COL18A1: variants seen among roughly 807,000 people sequenced by gnomAD.
COL18A1 encodes collagen type XVIII alpha 1 chain.
In COL18A1, 133 loss-of-function variants were observed where a neutral mutation model predicts 168.0. The observed-to-expected ratio is 0.79, with a 90% CI of 0.69 to 0.91. The LOEUF is 0.91. Ranked by LOEUF, COL18A1 falls within the 40% of genes least tolerant of loss-of-function variation. The pLI is 0.00. For missense variants in COL18A1, 2,126 were observed against 1,925.4 expected (o/e 1.10, Z -1.95); for synonymous variants, 949 against 809.0 (o/e 1.17, Z -2.94).
At chr21:45,415,338 A>G (rs1000147406) in intron 2 of COL18A1, among the ~76,000 whole-genome samples, 1 of 152,128 alleles carries the variant, frequency 6.6e-6, no homozygotes, top group Non-Finnish European at 1.5e-5. Flanking sequence ...AGACTTAAAG[A>G]TGAGTCCTCG....
intron 2 of COL18A1, among the ~76,000 whole-genome samples, chr21:45,465,269 G>A (rs1464949400): frequency 6.6e-6 from 1 of 152,194 alleles, no homozygotes; most frequent in Non-Finnish European, 1.5e-5. Flanking sequence ...GCCTGGCGTG[G>A]GTTTTGGGTC....
chr21:45,509,276 C>A, intron 38 of COL18A1, 80 bp from the exon 39 acceptor site: 1 of 1,521,084 alleles, frequency 6.6e-7, no homozygotes, highest in South Asian at 1.2e-5. Context: ...CCCTCTCACC[C>A]AGCCCAGAGG....
At position 45,512,214 on chromosome 21, in the gene COL18A1, C is replaced by T. The variant is rs750175097; in HGVS notation, c.3836C>T (p.Ser1279Leu). 2.5e-6 allele frequency: 4 copies of T among 1,612,400 alleles called. No homozygotes were observed. The highest frequency in any genetic ancestry group is 8.5e-7 in the Non-Finnish European group (1 of 1,179,704). ...TWPQKSVWHG[S>L]DPNGRRLTES... is the part of the protein sequence containing the mutation. ...CCCCAGAAGAGCGTGTGGCATGGCT[C>T]GGACCCCAACGGGCGCAGGCTGACC... The change falls in exon 42 of 42, where the codon TCG becomes TTG. Residue 1279 changes from serine to leucine, a missense_variant. Transcript: ENST00000651438.
rs529077106 is a variant in COL18A1 at position 45,481,887 on chromosome 21, C to A, written c.1612-76C>A. The A allele has an allele frequency of 2.9e-6, 3 of 1,049,156 alleles. No homozygotes were observed. The South Asian group carries it at 3.9e-5, about 14-fold the overall frequency. 65.0% of individuals were successfully genotyped at this position (1,049,156 alleles called of 1,614,324 possible). A position where few individuals can be genotyped will look rare whatever the true frequency, so the allele number is the denominator to read the frequency against. On this transcript the variant is annotated intron_variant, in intron 13 of 41. Coordinates refer to ENST00000651438, the MANE Select transcript of COL18A1 (RefSeq NM_001379500.1). ...TGCCTTCTGGAAACCTGCGGAAGCC[C>A]AGATAACCTGTTAACCCAGAAATCG...
chr21:45,431,331 G>A (rs2033952267), intron 2 of COL18A1, among the ~76,000 whole-genome samples: 1 of 152,082 alleles, frequency 6.6e-6, no homozygotes, highest in Non-Finnish European at 1.5e-5. Context: ...AGAGACAGCG[G>A]AGCGTGTGTG....
chr21:45,438,305 C>T (rs1252251442), intron 2 of COL18A1, among the ~76,000 whole-genome samples: 1 of 109,976 alleles, frequency 9.1e-6, no homozygotes, highest in Non-Finnish European at 1.9e-5. Flanking sequence ...CACACACACT[C>T]AGACACACAG....
chr21:45,490,536 G>T (rs1308147033), intron 20 of COL18A1, among the ~76,000 whole-genome samples, 190 bp downstream of exon 20: 7 of 118,558 alleles, frequency 5.9e-5, no homozygotes, highest in Admixed American at 1.6e-4. Context: ...GGGTCTCTGG[G>T]CCTCCGTGTG....
intron 5 of COL18A1, among the ~76,000 whole-genome samples, 187 bp downstream of exon 5, chr21:45,475,722 G>A (rs899849164): frequency 1.3e-5 from 2 of 151,600 alleles, no homozygotes; most frequent in Admixed American, 6.5e-5. Flanking sequence ...CACAGGCCCC[G>A]CTCCGGCCCT....
In COL18A1 at chr21:45,431,833, A is replaced by C. The variant is rs187291493; in HGVS notation, c.106+26360A>C. Among the ~76,000 whole-genome samples the C allele has an allele frequency of 6.6e-4, 101 of 152,152 alleles. 1 individual carries two copies. Among genetic ancestry groups the C allele is most frequent in the African/African-American group, 2.4e-3 (98 of 41,498 alleles). On this transcript the variant is annotated intron_variant, in intron 2 of 41. Coordinates refer to ENST00000651438, the MANE Select transcript of COL18A1 (RefSeq NM_001379500.1). ...TGGGGGCAGCAGAGCCCCTGCTCTC[A>C]GCTCCTCGGGGTACAGCGGGGGTAC...
At chr21:45,490,789 G>A (rs765137861) in intron 20 of COL18A1, 47 bp from the exon 21 acceptor site, 5 of 1,540,556 alleles carry the variant, frequency 3.2e-6, no homozygotes, top group South Asian at 2.4e-5. Context: ...GGGGCCAGGG[G>A]CTCCTGTTTC....
In COL18A1 at chr21:45,487,427, G is replaced by A. The variant is rs545517243; in HGVS notation, c.1834-20G>A. 6.2e-6 allele frequency: 10 copies of A among 1,612,216 alleles called. No homozygotes were observed. The Admixed American group carries it at 1.5e-4, about 24-fold the overall frequency. On this transcript the variant is annotated intron_variant, in intron 16 of 41. Coordinates refer to ENST00000651438, the MANE Select transcript of COL18A1 (RefSeq NM_001379500.1). ...TAAGAAGGGACACAGGCCCCTACGT[G>A]TCTCGTGTGTCTCTTCCAGGATGAC...
intron 18 of COL18A1, 117 bp from the exon 19 acceptor site, chr21:45,489,367 TGG>T (rs2036220496): frequency 1.2e-6 from 1 of 800,578 alleles, no homozygotes; most frequent in Non-Finnish European, 2.2e-6. Flanking sequence ...GGCTCTGGGC[TGG>T]GGGAGGGCGG....
At chr21:45,456,281 C>G in intron 2 of COL18A1, 2 of 1,571,198 alleles carry the variant, frequency 1.3e-6, no homozygotes, top group Non-Finnish European at 1.7e-6. Flanking sequence ...TCCCAGCCAG[C>G]AGCTCCAACG....
At chr21:45,456,912 TTCCTTTTTG>T (rs1416165125) in intron 2 of COL18A1, 1 of 1,396,698 alleles carries the variant, frequency 7.2e-7, no homozygotes, top group East Asian at 2.8e-5. Flanking sequence ...TCCCCACCCT[TTCCTTTTTG>T]CCTTGCCAGG....
In COL18A1 at chr21:45,510,008, C is replaced by T. The variant is rs1010910185; in HGVS notation, c.3496-56C>T. 3.9e-6 allele frequency: 6 copies of T among 1,523,924 alleles called. No individual in the cohort carries two copies. The African/African-American group carries it at 8.3e-5, about 21-fold the overall frequency. The allele number at this position is 1,523,924 out of a possible 1,614,324, so 94.4% of individuals were successfully genotyped here. The stretch of plus-strand genomic sequence containing the variant: ...CGGGGCCGGGGTGGTGCGCCCGGGG[C>T]CTGGGTGCAGGGGGCAGCGTGGGAC... On this transcript the variant is annotated intron_variant, in intron 39 of 41. Transcript: ENST00000651438.
Position 45,505,191 on chromosome 21 carries a change from C to G in COL18A1, c.2926C>G (p.Pro976Ala). The change falls in exon 35 of 42, where the codon CCC (proline) becomes GCC (alanine). Residue 976 changes from proline to alanine, a missense_variant. Coordinates refer to ENST00000651438, the MANE Select transcript of COL18A1 (RefSeq NM_001379500.1). The part of the protein sequence containing the change: ...QPGPPGPQGP[P>A]GIGYEGRQGP... ...CGGCCCACCTGGACCTCAGGGACCC[C>G]CCGGCATCGGCTACGAGGGGCGCCA... 6.2e-7 allele frequency: 1 copy of G among 1,605,270 alleles called. No individual in the cohort carries two copies. Among genetic ancestry groups the G allele is most frequent in the Non-Finnish European group, 8.5e-7 (1 of 1,177,000 alleles).
At position 45,425,510 on chromosome 21, in the gene COL18A1, C is replaced by T. The variant is rs192685642; in HGVS notation, c.106+20037C>T. 6.6e-6 allele frequency among the ~76,000 whole-genome samples: 1 copy of T among 152,318 alleles called. No individual in the cohort carries two copies. The highest frequency in any genetic ancestry group is 1.9e-4 in the East Asian group (1 of 5,186). ...AAAACCGTCACGGCAGGGGTCACAACCCCACTCACCCACACCCTCCTGCAT... is the reference window on the plus strand; with the variant it reads ...AAAACCGTCACGGCAGGGGTCACAATCCCACTCACCCACACCCTCCTGCAT... On this transcript the variant is annotated intron_variant, in intron 2 of 41. Transcript: ENST00000651438. The surrounding 1 kb of genome is among the most constrained non-coding windows in gnomAD (Gnocchi z 4.1).
chr21:45,450,437 G>T (rs950559639), intron 2 of COL18A1, among the ~76,000 whole-genome samples: 1 of 152,226 alleles, frequency 6.6e-6, no homozygotes, highest in Non-Finnish European at 1.5e-5. Flanking sequence ...CGCCTCTGAC[G>T]ATTGAACAGC....
rs2035866712 is a variant in COL18A1, at chr21:45,480,848, C to T, written c.1601C>T (p.Pro534Leu). 1 of 1,610,842 alleles carries T rather than the reference C, an allele frequency of 6.2e-7. No individual in the cohort carries two copies. Among genetic ancestry groups the T allele is most frequent in the Non-Finnish European group, 8.5e-7 (1 of 1,179,344 alleles). Residue 534 changes from proline to leucine, a missense_variant, in exon 13 of 42, where the codon CCT (proline) becomes CTT (leucine). Pro to Leu is a moderately conservative substitution (Grantham distance 98). Transcript: ENST00000651438. ...GGGCGCGAGGGTCCCCCCGGGTTTC[C>T]TGGCCTCCCGGTAAGTCCTGCCTCC... ...VPGREGPPGFPGLPGPPGPPG... is the reference protein window; with the variant it reads ...VPGREGPPGFLGLPGPPGPPG...
Sources: allele counts gnomAD v4.1 joint callset (sites outside exome capture counted in the v4.1 genomes callset), GRCh38; gene constraint gnomAD v4.1.1; non-coding constraint Gnocchi (gnomAD v3.1); transcripts MANE v1.5; gene names NCBI Gene and HGNC (gene_info 2026-07-23, HGNC 2026-07-21).